NELL2: variants seen among roughly 807,000 people sequenced by gnomAD.
The protein encoded by NELL2 is neural EGFL like 2.
Under a neutral mutation model 109.6 loss-of-function variants are expected in NELL2, and 41 were observed. The observed-to-expected ratio is 0.37, with a 90% CI of 0.29 to 0.49. NELL2 has a LOEUF of 0.49. Ranked by LOEUF, NELL2 falls within the 20% of genes least tolerant of loss-of-function variation. The pLI is 0.98. For synonymous variants in NELL2, 355 were observed against 344.7 expected (o/e 1.03, Z -0.33); for missense variants, 900 against 1,008.3 (o/e 0.89, Z 1.45).
At chr12:44,622,179 T>C (rs1194380656) in intron 13 of NELL2, among the ~76,000 whole-genome samples, 1 of 152,118 alleles carries the variant, frequency 6.6e-6, no homozygotes, top group East Asian at 1.9e-4. Flanking sequence ...CTAGAGTTCA[T>C]TGCACTCACT....
At chr12:44,544,550 C>T (rs764310468) in intron 15 of NELL2, among the ~76,000 whole-genome samples, 1 of 152,024 alleles carries the variant, frequency 6.6e-6, no homozygotes, top group African/African-American at 2.4e-5. Context: ...AGAAAGGGTG[C>T]TGGAAAGTGA....
At chr12:44,712,452 G>T (rs1418572431) in intron 10 of NELL2, among the ~76,000 whole-genome samples, 1 of 151,944 alleles carries the variant, frequency 6.6e-6, no homozygotes, top group Non-Finnish European at 1.5e-5. Flanking sequence ...CTAAACCACA[G>T]TGTTTTTCTG....
At chr12:44,921,455 G>A (rs377019893) in intron 1 of NELL2, among the ~76,000 whole-genome samples, 1 of 152,130 alleles carries the variant, frequency 6.6e-6, no homozygotes, top group Non-Finnish European at 1.5e-5. Context: ...CAGAGAGTGG[G>A]CCCCAAAGTT....
chr12:44,634,635 G>A (rs539851440), intron 13 of NELL2, among the ~76,000 whole-genome samples: 2 of 152,182 alleles, frequency 1.3e-5, no homozygotes, highest in Non-Finnish European at 2.9e-5. Flanking sequence ...ATAAACATGC[G>A]TGTGTATGTG....
chr12:44,609,558 C>T (rs1205021723), intron 14 of NELL2, among the ~76,000 whole-genome samples: 4 of 152,038 alleles, frequency 2.6e-5, no homozygotes, highest in Admixed American at 6.6e-5. Context: ...GAGGGAACTG[C>T]TGTACTATAC....
intron 15 of NELL2, among the ~76,000 whole-genome samples, chr12:44,602,545 G>T (rs533634905): frequency 3.3e-5 from 5 of 152,110 alleles, no homozygotes; most frequent in Admixed American, 6.6e-5. Flanking sequence ...AAAAGCAGAT[G>T]TATCTACAGT....
intron 13 of NELL2, among the ~76,000 whole-genome samples, chr12:44,655,011 T>C (rs1947447648): frequency 6.6e-6 from 1 of 152,224 alleles, no homozygotes; most frequent in Admixed American, 6.5e-5. Flanking sequence ...TGCAGGTGTC[T>C]GTTGCTAAGA....
chr12:44,890,735 A>T (rs1945523788), intron 1 of NELL2, among the ~76,000 whole-genome samples: 1 of 149,182 alleles, frequency 6.7e-6, no homozygotes, highest in African/African-American at 2.5e-5. Flanking sequence ...ATTTTATTTT[A>T]TTTTATTTTT....
At chr12:44,875,513 T>G in intron 1 of NELL2, 160 bp from the exon 2 acceptor site, 1 of 1,613,814 alleles carries the variant, frequency 6.2e-7, no homozygotes, top group Non-Finnish European at 8.5e-7. Context: ...TTACCTGAGA[T>G]CAGCAGCCAA....
chr12:44,776,156 G>T lies in NELL2; in HGVS notation c.763-6C>A. On this transcript the variant is annotated splice_region_variant and splice_polypyrimidine_tract_variant and intron_variant, in intron 7 of 19. Transcript: ENST00000429094. ...CGCTGTTCAGCTCGAGACAGCTGTG[G>T]CACAAAAGAACGGGTTTTACATTGT... The T allele has an allele frequency of 1.9e-6, 3 of 1,612,402 alleles. No homozygotes were observed. The highest frequency in any genetic ancestry group is 2.5e-6 in the Non-Finnish European group (3 of 1,179,368).
chr12:44,803,447 T>G (rs79941161), intron 3 of NELL2, among the ~76,000 whole-genome samples: 5,192 of 151,960 alleles, frequency 0.034, 286 homozygotes, highest in African/African-American at 0.12. Context: ...TATTTAAAGG[T>G]GATGAAGTGT....
At chr12:44,582,753 T>G (rs1407082851) in intron 15 of NELL2, among the ~76,000 whole-genome samples, 2 of 152,006 alleles carry the variant, frequency 1.3e-5, no homozygotes, top group African/African-American at 4.8e-5. Context: ...GGTGCTATGG[T>G]TTGAATGTGT....
chr12:44,550,724 C>T lies in NELL2; in HGVS notation c.1664-18003G>A, dbSNP rs11182535. Among the ~76,000 whole-genome samples, 621 of 152,082 alleles carry T rather than the reference C, an allele frequency of 4.1e-3. 2 individuals are homozygous for T. Among genetic ancestry groups the T allele is most frequent in the African/African-American group, 0.014 (585 of 41,504 alleles). ...ATTCTGTTATTTGTGACAACACGGACGGACCAGGAGGGCATAACATATGGT... is the reference window on the plus strand; with the variant it reads ...ATTCTGTTATTTGTGACAACACGGATGGACCAGGAGGGCATAACATATGGT... On this transcript the variant is annotated intron_variant, in intron 15 of 19. Coordinates refer to ENST00000429094, the MANE Select transcript of NELL2 (RefSeq NM_001145108.2).
intron 15 of NELL2, among the ~76,000 whole-genome samples, chr12:44,544,955 G>A (rs1942731907): frequency 6.6e-6 from 1 of 151,870 alleles, no homozygotes; most frequent in African/African-American, 2.4e-5. Flanking sequence ...AAAACTGAGG[G>A]GACTGGAAAG....
intron 2 of NELL2, among the ~76,000 whole-genome samples, chr12:44,839,722 G>A (rs943193206): frequency 6.6e-6 from 1 of 152,216 alleles, no homozygotes; most frequent in Non-Finnish European, 1.5e-5. Flanking sequence ...TCAAGGCGAT[G>A]ATCATAAAGT....
intron 9 of NELL2, among the ~76,000 whole-genome samples, chr12:44,769,332 C>A (rs572962154): frequency 6.6e-6 from 1 of 152,100 alleles, no homozygotes; most frequent in East Asian, 1.9e-4. Flanking sequence ...ATGAAAGCAG[C>A]CCATAAATAT....
chr12:44,690,424 T>C (rs1243231880), intron 12 of NELL2, among the ~76,000 whole-genome samples: 1 of 152,112 alleles, frequency 6.6e-6, no homozygotes, highest in Non-Finnish European at 1.5e-5. Flanking sequence ...ACATGCAGGT[T>C]CTGATTCAGA....
chr12:44,904,329 C>A (rs975849093), intron 1 of NELL2, among the ~76,000 whole-genome samples: 1 of 152,120 alleles, frequency 6.6e-6, no homozygotes, highest in Admixed American at 6.6e-5. Flanking sequence ...TAAGAATATG[C>A]TTTTCACTTC....
chr12:44,619,285 T>C (rs1484720734), intron 13 of NELL2, among the ~76,000 whole-genome samples: 2 of 152,106 alleles, frequency 1.3e-5, no homozygotes, highest in African/African-American at 4.8e-5. Flanking sequence ...AAGAGAACAG[T>C]AAGAAATAAT....
Sources: allele counts gnomAD v4.1 joint callset (sites outside exome capture counted in the v4.1 genomes callset), GRCh38; gene constraint gnomAD v4.1.1; transcripts MANE v1.5; gene names NCBI Gene and HGNC (gene_info 2026-07-23, HGNC 2026-07-21).